The following CTNND2 variants were observed in gnomAD, a reference collection of about 807,000 sequenced individuals.
CTNND2 encodes catenin delta 2.
A neutral mutation model predicts 144.4 loss-of-function variants in CTNND2; 22 were observed. The ratio of observed to expected loss-of-function variants is 0.15; its 90% CI spans 0.11 to 0.22. CTNND2 has a LOEUF of 0.22. Among genes scored for constraint, CTNND2 ranks in the 10% least tolerant of loss-of-function variants. The pLI is 1.00. For synonymous variants in CTNND2, 751 were observed against 695.6 expected, an observed-to-expected ratio of 1.08 and a Z score of -1.25; for missense variants, 1,353 against 1,618.8, an observed-to-expected ratio of 0.84 and a Z score of 2.82.
chr5:11,702,046 A>G (rs1785461745), intron 2 of CTNND2, among the ~76,000 whole-genome samples: 1 of 152,166 alleles, frequency 6.6e-6, no homozygotes, highest in Non-Finnish European at 1.5e-5. Flanking sequence ...CTCATGCCTC[A>G]ACCATCGCTC....
intron 21 of CTNND2, among the ~76,000 whole-genome samples, chr5:10,978,500 A>C (rs61752681): frequency 4.8e-5 from 7 of 145,330 alleles, no homozygotes; most frequent in African/African-American, 1.7e-4. Flanking sequence ...CTTTTTGGGG[A>C]GGGGGGGGAA....
At chr5:11,767,921 C>A (rs1189299300) in intron 1 of CTNND2, among the ~76,000 whole-genome samples, 4 of 15,814 alleles carry the variant, frequency 2.5e-4, no homozygotes, top group African/African-American at 3.3e-4. Context: ...TTGTGTATAT[C>A]TCATAGTTTT....
chr5:11,293,200 G>A (rs1469352608), intron 9 of CTNND2, among the ~76,000 whole-genome samples: 2 of 152,174 alleles, frequency 1.3e-5, no homozygotes, highest in Admixed American at 1.3e-4. Flanking sequence ...AAACATCTGT[G>A]ATTAGAAAGC....
intron 3 of CTNND2, among the ~76,000 whole-genome samples, chr5:11,542,719 A>G (rs1774869061): frequency 6.6e-6 from 1 of 152,224 alleles, no homozygotes; most frequent in Non-Finnish European, 1.5e-5. Flanking sequence ...CATTAAGACA[A>G]TGACTTCCAT....
At chr5:11,854,044 T>C (rs894506439) in intron 1 of CTNND2, among the ~76,000 whole-genome samples, 6 of 152,354 alleles carry the variant, frequency 3.9e-5, no homozygotes, top group African/African-American at 1.2e-4. Context: ...CTGGAAAACC[T>C]GGCTGAGCAT....
At chr5:11,493,403 G>C (rs1769630674) in intron 3 of CTNND2, among the ~76,000 whole-genome samples, 1 of 152,196 alleles carries the variant, frequency 6.6e-6, no homozygotes, top group Non-Finnish European at 1.5e-5. Context: ...TTCTGAGAAA[G>C]ATTTCACTAG....
At chr5:11,561,249 C>T (rs1487106077) in intron 3 of CTNND2, among the ~76,000 whole-genome samples, 1 of 152,196 alleles carries the variant, frequency 6.6e-6, no homozygotes, top group Non-Finnish European at 1.5e-5. Context: ...GTTCCTGCCT[C>T]AGGTCTGCAT....
At chr5:11,098,885 T>C (rs531317939) in intron 14 of CTNND2, 137 bp from the exon 15 acceptor site, 1 of 723,002 alleles carries the variant, frequency 1.4e-6, no homozygotes, top group South Asian at 2.0e-5. Context: ...CGGAGGCTAT[T>C]GCATCAGCAG....
At chr5:11,450,240 C>T (rs893835730) in intron 3 of CTNND2, among the ~76,000 whole-genome samples, 1 of 152,194 alleles carries the variant, frequency 6.6e-6, no homozygotes, top group Admixed American at 6.5e-5. Context: ...AAACCTGGAT[C>T]TGTCAAAGGT....
At chr5:11,791,636 T>C (rs1415998991) in intron 1 of CTNND2, among the ~76,000 whole-genome samples, 1 of 152,222 alleles carries the variant, frequency 6.6e-6, no homozygotes, top group Non-Finnish European at 1.5e-5. Context: ...GAAACACAAT[T>C]TCATGGAACA....
In CTNND2 at chr5:11,090,480, C is replaced by T. The variant is rs533618999; in HGVS notation, c.2638-7634G>A. Among the ~76,000 whole-genome samples the T allele has an allele frequency of 9.8e-5, 15 of 152,330 alleles. No homozygotes were observed. In the South Asian group the frequency reaches 2.9e-3, roughly 29 times the overall value. On this transcript the variant is annotated intron_variant, in intron 15 of 21. Coordinates refer to ENST00000304623, the MANE Select transcript of CTNND2 (RefSeq NM_001332.4). ...TTGAGTGGTAGGTGAGTGAGCATTACCGCCTGAGTTCTGCCTCCTGTCAGA... is the reference window on the plus strand; with the variant it reads ...TTGAGTGGTAGGTGAGTGAGCATTATCGCCTGAGTTCTGCCTCCTGTCAGA...
intron 1 of CTNND2, among the ~76,000 whole-genome samples, chr5:11,835,178 C>T (rs1451329467): frequency 2.6e-5 from 4 of 152,144 alleles, no homozygotes; most frequent in Admixed American, 6.5e-5. Context: ...AGGAAGAAAA[C>T]AATTTTTTTA....
chr5:11,001,637 G>A (rs1173534485), intron 18 of CTNND2, among the ~76,000 whole-genome samples: 2 of 152,174 alleles, frequency 1.3e-5, no homozygotes, highest in African/African-American at 4.8e-5. Context: ...CAGAGCCTTA[G>A]AACCTTTTTC....
chr5:11,208,902 C>T (rs1738328426), intron 10 of CTNND2, among the ~76,000 whole-genome samples: 1 of 152,204 alleles, frequency 6.6e-6, no homozygotes, highest in East Asian at 1.9e-4. Context: ...TTGAATTTAA[C>T]CCATCTATTG....
At chr5:11,305,852 G>C (rs941391816) in intron 9 of CTNND2, among the ~76,000 whole-genome samples, 10 of 152,234 alleles carry the variant, frequency 6.6e-5, no homozygotes, top group Admixed American at 5.9e-4. Context: ...AGAAACATGG[G>C]AGAATGTCCT....
intron 3 of CTNND2, among the ~76,000 whole-genome samples, chr5:11,551,857 T>G (rs1038731385): frequency 6.6e-6 from 1 of 152,148 alleles, no homozygotes; most frequent in African/African-American, 2.4e-5. Context: ...CACCTCAGCC[T>G]CCCAAAGTGC....
chr5:11,772,971 G>C (rs1363760126), intron 1 of CTNND2, among the ~76,000 whole-genome samples: 2 of 152,128 alleles, frequency 1.3e-5, no homozygotes, highest in Non-Finnish European at 2.9e-5. Context: ...TCAAAGAGCA[G>C]AAATATAAGA....
At chr5:11,345,738 G>C (rs1446983728) in intron 9 of CTNND2, among the ~76,000 whole-genome samples, 2 of 150,730 alleles carry the variant, frequency 1.3e-5, no homozygotes, top group Admixed American at 1.3e-4. Context: ...TTTACAAGCA[G>C]AGCATTGCTA....
chr5:11,869,834 T>C (rs1484492430), intron 1 of CTNND2, among the ~76,000 whole-genome samples: 4 of 152,202 alleles, frequency 2.6e-5, no homozygotes, highest in African/African-American at 9.7e-5. Flanking sequence ...AATATGTGTA[T>C]TTCCTTTTCC....
Sources: gnomAD v4.1 joint callset for allele counts (sites outside exome capture counted in the v4.1 genomes callset) on GRCh38, gnomAD v4.1.1 for gene constraint, MANE v1.5 for transcripts, NCBI Gene and HGNC (gene_info 2026-07-23, HGNC 2026-07-21) for gene names.